The following IGSF11 variants were observed in gnomAD, a reference collection of about 807,000 sequenced individuals.
IGSF11 encodes the protein CXADR like 1.
Under a neutral mutation model 41.0 loss-of-function variants are expected in IGSF11, and 22 were observed. The ratio of observed to expected loss-of-function variants is 0.54; its 90% CI spans 0.38 to 0.77. The LOEUF is 0.77. IGSF11 is among the 30% of genes least tolerant of loss of function. IGSF11 has a pLI of 0.00. For missense variants in IGSF11, 444 were observed against 530.8 expected, an observed-to-expected ratio of 0.84 and a Z score of 1.61; for synonymous variants, 219 against 201.3, an observed-to-expected ratio of 1.09 and a Z score of -0.74.
intron 1 of IGSF11, among the ~76,000 whole-genome samples, chr3:119,066,719 C>T (rs1196347967): frequency 2.0e-5 from 3 of 152,144 alleles, no homozygotes; most frequent in South Asian, 2.1e-4. Context: ...TACCTGTTTG[C>T]TATACTCCAG....
chr3:118,995,624 T>C (rs569718489), intron 1 of IGSF11, among the ~76,000 whole-genome samples: 2 of 152,062 alleles, frequency 1.3e-5, no homozygotes, highest in Non-Finnish European at 2.9e-5. Flanking sequence ...CAAGGATGAC[T>C]TCCGGGCTTA....
At chr3:118,947,730 C>CT (rs1944264682) in intron 1 of IGSF11, 2 of 152,326 alleles carry the variant, frequency 1.3e-5, no homozygotes, top group Admixed American at 1.3e-4. Flanking sequence ...AACAAGCCTT[C>CT]TTTGTGCCCC....
At chr3:119,011,945 C>CTCTGTGTGTG (rs144200736) in intron 1 of IGSF11, among the ~76,000 whole-genome samples, 13 of 148,592 alleles carry the variant, frequency 8.7e-5, no homozygotes, top group African/African-American at 2.9e-4. Flanking sequence ...ATATAGTGTT[C>CTCTGTGTGTG]TGTGTGTGTG....
chr3:119,121,036 A>G (rs752416161), intron 1 of IGSF11, among the ~76,000 whole-genome samples: 1 of 152,172 alleles, frequency 6.6e-6, no homozygotes, highest in Non-Finnish European at 1.5e-5. Context: ...CAAATAAACA[A>G]CAAGAAAAAC....
At chr3:119,130,412 G>A (rs1278667179) in intron 1 of IGSF11, among the ~76,000 whole-genome samples, 1 of 152,222 alleles carries the variant, frequency 6.6e-6, no homozygotes, top group Non-Finnish European at 1.5e-5. Flanking sequence ...TCTCTCCTGT[G>A]CCTGGCTCGG....
intron 1 of IGSF11, chr3:119,145,698 G>A (rs2107554351): frequency 6.4e-6 from 1 of 156,970 alleles, no homozygotes; most frequent in African/African-American, 2.4e-5. Context: ...ATACCCAAAG[G>A]GGATGGCAAT....
At chr3:119,034,486 G>A in intron 1 of IGSF11, 45 bp downstream of exon 1, 4 of 1,469,026 alleles carry the variant, frequency 2.7e-6, no homozygotes, top group South Asian at 1.4e-5. Flanking sequence ...CGGGCCCGCC[G>A]ACCCGGCCTG....
chr3:119,051,364 A>T (rs1277222113), intron 1 of IGSF11, among the ~76,000 whole-genome samples: 2 of 151,944 alleles, frequency 1.3e-5, no homozygotes, highest in African/African-American at 4.8e-5. Context: ...AAGCAACAAC[A>T]GTTAAAAAAA....
intron 1 of IGSF11, among the ~76,000 whole-genome samples, chr3:119,067,588 C>T (rs1351161261): frequency 6.6e-6 from 1 of 152,212 alleles, no homozygotes; most frequent in Non-Finnish European, 1.5e-5. Flanking sequence ...TCTTCAGCTC[C>T]CTCGTAATAC....
At chr3:118,934,411 C>T (rs920917511) in intron 1 of IGSF11, among the ~76,000 whole-genome samples, 1 of 152,164 alleles carries the variant, frequency 6.6e-6, no homozygotes, top group Non-Finnish European at 1.5e-5. Context: ...CTCACTTCCT[C>T]TTGCTGTTTT....
rs931727583 is a variant in IGSF11, at chr3:118,908,445, A to G, written c.581-2727T>C. Among the ~76,000 whole-genome samples the G allele has an allele frequency of 3.3e-5, 5 of 152,372 alleles. 1 individual carries two copies. The highest frequency in any genetic ancestry group is 1.9e-4 in the East Asian group (1 of 5,186). On this transcript the variant is annotated intron_variant, in intron 4 of 6. Transcript: ENST00000393775. Reference sequence around the variant, plus strand: ...TATGTGACAAGGCAAAATAGAGAAGAGAGCAACTCCAGCAAACAGCAGACT... The same window carrying G: ...TATGTGACAAGGCAAAATAGAGAAGGGAGCAACTCCAGCAAACAGCAGACT...
chr3:118,911,134 C>CAT (rs1559878941), intron 4 of IGSF11, among the ~76,000 whole-genome samples: 1 of 151,706 alleles, frequency 6.6e-6, no homozygotes, highest in South Asian at 2.1e-4. Context: ...CACACACACA[C>CAT]ATATATGTAA....
In IGSF11 at chr3:119,118,032, C is replaced by T. The variant is rs149055509; in HGVS notation, c.-13-12827G>A. 4.7e-3 allele frequency among the ~76,000 whole-genome samples: 722 copies of T among 152,276 alleles called. 13 individuals are homozygous for T. Among genetic ancestry groups the T allele is most frequent in the African/African-American group, 0.016 (685 of 41,556 alleles). On this transcript the variant is annotated intron_variant, in intron 1 of 7. Coordinates refer to the IGSF11 transcript ENST00000425327. ...GCTTTCCAGGGTATAGCTTCCTTCC[C>T]AGCTGCTTTCACGGGCTGGCATTGA...
chr3:119,046,368 G>T (rs1380707121), intron 1 of IGSF11, among the ~76,000 whole-genome samples: 3 of 152,256 alleles, frequency 2.0e-5, no homozygotes, highest in Admixed American at 1.3e-4. Flanking sequence ...AGGAGCTGAT[G>T]CAATCAACTG....
intron 1 of IGSF11, among the ~76,000 whole-genome samples, chr3:119,021,224 A>G (rs1444436251): frequency 6.6e-6 from 1 of 152,206 alleles, no homozygotes; most frequent in African/African-American, 2.4e-5. Flanking sequence ...ATTTAAAACT[A>G]AAATGATTAT....
chr3:118,970,335 T>C (rs893581347), intron 1 of IGSF11, among the ~76,000 whole-genome samples: 1 of 152,132 alleles, frequency 6.6e-6, no homozygotes, highest in Non-Finnish European at 1.5e-5. Context: ...AGACACTGAT[T>C]AAAACTCCAA....
intron 1 of IGSF11, among the ~76,000 whole-genome samples, chr3:119,059,578 A>C (rs1941988840): frequency 6.6e-6 from 1 of 152,162 alleles, no homozygotes; most frequent in African/African-American, 2.4e-5. Flanking sequence ...AAAAGGATAC[A>C]TTTATTATTT....
chr3:118,942,168 G>C (rs1170701538), intron 1 of IGSF11, among the ~76,000 whole-genome samples: 1 of 152,076 alleles, frequency 6.6e-6, no homozygotes, highest in African/African-American at 2.4e-5. Flanking sequence ...TTTAGAAAAA[G>C]GTATGTTGGG....
At chr3:119,138,354 G>T (rs2077591315) in intron 1 of IGSF11, among the ~76,000 whole-genome samples, 1 of 152,078 alleles carries the variant, frequency 6.6e-6, no homozygotes, top group Non-Finnish European at 1.5e-5. Flanking sequence ...TTTTTTAAAT[G>T]TGGTATATAT....
Sources: gnomAD v4.1 joint callset for allele counts (sites outside exome capture counted in the v4.1 genomes callset) on GRCh38, gnomAD v4.1.1 for gene constraint, MANE v1.5 for transcripts, NCBI Gene and HGNC (gene_info 2026-07-23, HGNC 2026-07-21) for gene names.